Variants in KLHL29 observed in about 807,000 individuals in gnomAD.
KLHL29 encodes kelch like family member 29, also known as kelch-like protein 29.
KLHL29 carries 21 observed loss-of-function variants against 80.4 expected under a neutral mutation model. That is an observed-to-expected ratio of 0.26 (90% CI 0.19 to 0.38). The LOEUF is 0.38. Among genes scored for constraint, KLHL29 ranks in the 10% least tolerant of loss-of-function variants. The pLI is 1.00. For missense variants in KLHL29, 867 were observed against 1,223.9 expected (o/e 0.71, Z 4.35); for synonymous variants, 511 against 526.8 (o/e 0.97, Z 0.41).
intron 5 of KLHL29, among the ~76,000 whole-genome samples, chr2:23,649,804 T>C (rs1337563496): frequency 6.6e-6 from 1 of 152,192 alleles, no homozygotes; most frequent in African/African-American, 2.4e-5. Context: ...TGCTGACCCG[T>C]GGCAGGAAGC....
chr2:23,448,933 G>A (rs1300421733), intron 1 of KLHL29, among the ~76,000 whole-genome samples: 2 of 152,134 alleles, frequency 1.3e-5, no homozygotes, highest in African/African-American at 4.8e-5. Flanking sequence ...GGAATAGGTC[G>A]TTGTCATTTT....
At chr2:23,466,137 G>C (rs1664346762) in intron 1 of KLHL29, among the ~76,000 whole-genome samples, 1 of 152,136 alleles carries the variant, frequency 6.6e-6, no homozygotes, top group Non-Finnish European at 1.5e-5. Context: ...TGTGAGTGCT[G>C]ATGGATTACT....
rs1672791613 is a variant in KLHL29 at position 23,707,275 on chromosome 2, C to T, written c.*611C>T. On this transcript the variant is annotated 3_prime_UTR_variant, in exon 14 of 14. Transcript: ENST00000486442. ...ACAGCCGGGGAGCAGGGACAGCGGT[C>T]TGTCCTTCACAGGTTTTTCTACTGT... is the stretch of plus-strand genomic sequence containing the variant. 1 of 152,242 alleles carries T rather than the reference C, an allele frequency of 6.6e-6. No homozygotes were observed. Among genetic ancestry groups the T allele is most frequent in the African/African-American group, 2.4e-5 (1 of 41,472 alleles). The allele number at this position is 152,242 out of a possible 1,614,324, so 9.4% of individuals were successfully genotyped here. A position where few individuals can be genotyped will look rare whatever the true frequency, so the allele number is the denominator to read the frequency against.
intron 2 of KLHL29, among the ~76,000 whole-genome samples, chr2:23,476,258 T>G (rs1408755480): frequency 6.6e-6 from 1 of 151,940 alleles, no homozygotes; most frequent in Admixed American, 6.6e-5. Context: ...AGCAACTAGA[T>G]GACCTTTAAC....
intron 3 of KLHL29, among the ~76,000 whole-genome samples, chr2:23,630,397 C>A (rs932362384): frequency 6.6e-6 from 1 of 152,210 alleles, no homozygotes; most frequent in East Asian, 1.9e-4. Flanking sequence ...GGGAACATTC[C>A]TGCCATCCCA....
In KLHL29 at chr2:23,467,488, C is replaced by G. The variant is rs113949342; in HGVS notation, c.-153-8072C>G. Among the ~76,000 whole-genome samples the G allele has an allele frequency of 2.5e-3, 375 of 152,282 alleles. 5 individuals are homozygous for G. The highest frequency in any genetic ancestry group is 4.4e-3 in the African/African-American group (183 of 41,550). On this transcript the variant is annotated intron_variant, in intron 1 of 13. Transcript: ENST00000486442. ...ACTCATCATATTTGGGTAAAAAGTC[C>G]TGTAATCTCTAAAGCCTTTCTTTCA...
At chr2:23,497,353 C>T (rs758279188) in intron 2 of KLHL29, among the ~76,000 whole-genome samples, 2 of 152,132 alleles carry the variant, frequency 1.3e-5, no homozygotes, top group Non-Finnish European at 2.9e-5. Context: ...AGCAGGGAGC[C>T]GAGGGTTTCC....
chr2:23,581,288 C>T (rs1667973519), intron 3 of KLHL29, among the ~76,000 whole-genome samples: 1 of 152,196 alleles, frequency 6.6e-6, no homozygotes. Context: ...CCCGGTCTTC[C>T]TTCCCACCGT....
At position 23,444,765 on chromosome 2, in the gene KLHL29, C is replaced by T. The variant is rs1663625857; in HGVS notation, c.-153-30795C>T. 2.6e-5 allele frequency among the ~76,000 whole-genome samples: 4 copies of T among 152,264 alleles called. No homozygotes were observed. The South Asian group carries it at 8.3e-4, about 32-fold the overall frequency. On this transcript the variant is annotated intron_variant, in intron 1 of 13. Coordinates refer to ENST00000486442, the MANE Select transcript of KLHL29 (RefSeq NM_052920.2). ...AACTACCAAGTGAAGCTTTTCTTGG[C>T]ACTTTCTTTTTGTCCTTAGAATATA...
chr2:23,484,886 C>A lies in KLHL29; in HGVS notation c.-46+9219C>A, dbSNP rs533964654. 2.0e-5 allele frequency among the ~76,000 whole-genome samples: 3 copies of A among 152,298 alleles called. No individual in the cohort carries two copies. In the South Asian group the frequency reaches 6.2e-4, roughly 32 times the overall value. ...TGAGTGTTCATATCCCACCTTGGGG[C>A]ACTTGGTCCCGCTGAGCAAGTCTTC... is the stretch of plus-strand genomic sequence containing the variant. On this transcript the variant is annotated intron_variant, in intron 2 of 13. Coordinates refer to ENST00000486442, the MANE Select transcript of KLHL29 (RefSeq NM_052920.2).
chr2:23,614,140 T>C (rs1668943089), intron 3 of KLHL29, among the ~76,000 whole-genome samples: 2 of 152,200 alleles, frequency 1.3e-5, no homozygotes, highest in African/African-American at 2.4e-5. Flanking sequence ...TACCTACCTA[T>C]GACTTGGAAA....
intron 2 of KLHL29, among the ~76,000 whole-genome samples, chr2:23,540,614 G>A (rs1050700128): frequency 3.3e-5 from 5 of 152,184 alleles, no homozygotes; most frequent in African/African-American, 1.2e-4. Context: ...GAACTCTTTT[G>A]GTTGCAGTAG....
chr2:23,398,072 A>T (rs1241775845), intron 1 of KLHL29, among the ~76,000 whole-genome samples: 1 of 152,248 alleles, frequency 6.6e-6, no homozygotes, highest in African/African-American at 2.4e-5. Flanking sequence ...AATTAAACAT[A>T]GAATTATCAT....
chr2:23,625,641 G>T (rs1015125914), intron 3 of KLHL29, among the ~76,000 whole-genome samples: 15 of 152,270 alleles, frequency 9.9e-5, no homozygotes, highest in Admixed American at 8.5e-4. Context: ...AACAACAGGC[G>T]GATCGATCTC....
At chr2:23,594,528 A>G (rs606374) in intron 3 of KLHL29, among the ~76,000 whole-genome samples, 100,437 of 152,072 alleles carry the variant, frequency 0.66, 33,450 homozygotes, top group South Asian at 0.74. Flanking sequence ...GCCTTCCTGC[A>G]TTTCAATTCT....
intron 2 of KLHL29, among the ~76,000 whole-genome samples, chr2:23,506,018 G>A (rs373609781): frequency 1.2e-4 from 18 of 152,302 alleles, no homozygotes; most frequent in African/African-American, 3.4e-4. Context: ...GCCCGACCAC[G>A]AGGACCATGC....
At position 23,651,894 on chromosome 2, in the gene KLHL29, C is replaced by A. The variant is rs137900018; in HGVS notation, c.940+9044C>A. On this transcript the variant is annotated intron_variant, in intron 5 of 13. Coordinates refer to ENST00000486442, the MANE Select transcript of KLHL29 (RefSeq NM_052920.2). ...TCCTCTTCTTAGAAGGACAGCAGTC[C>A]GACTGGGTTAGGGACCCACCCTATG... 2.0e-5 allele frequency among the ~76,000 whole-genome samples: 3 copies of A among 152,120 alleles called. No homozygotes were observed. In the South Asian group the frequency reaches 6.2e-4, roughly 32 times the overall value.
In KLHL29 at chr2:23,670,917, GCTCTCTCT is replaced by G. The variant is rs1553353334; in HGVS notation, c.941-13426_941-13419del. 3.6e-3 allele frequency among the ~76,000 whole-genome samples: 66 copies of G among 18,566 alleles called. 15 individuals carry two copies. Among genetic ancestry groups the G allele is most frequent in the South Asian group, 9.4e-3 (3 of 318 alleles). 12.2% of individuals were successfully genotyped at this position (18,566 alleles called of 152,430 possible). A position where few individuals can be genotyped will look rare whatever the true frequency, so the allele number is the denominator to read the frequency against. On this transcript the variant is annotated intron_variant, in intron 5 of 13. Transcript: ENST00000486442. ...GAGGGGTCTCTACACACATGCACGC[GCTCTCTCT>G]CTCTCTCTCTCTCTCTCTCTCTCTC...
intron 2 of KLHL29, among the ~76,000 whole-genome samples, chr2:23,559,124 C>T (rs1667376498): frequency 6.6e-6 from 1 of 152,088 alleles, no homozygotes; most frequent in African/African-American, 2.4e-5. Flanking sequence ...GGGGGAGGGT[C>T]GGAAGCCATT....
Sources: allele counts gnomAD v4.1 joint callset (sites outside exome capture counted in the v4.1 genomes callset), GRCh38; gene constraint gnomAD v4.1.1; transcripts MANE v1.5; gene names NCBI Gene and HGNC (gene_info 2026-07-23, HGNC 2026-07-21).